AGPAT4: variants seen among roughly 807,000 people sequenced by gnomAD.
The protein encoded by AGPAT4 is 1-acylglycerol-3-phosphate O-acyltransferase 4, also known as 1-acyl-sn-glycerol-3-phosphate acyltransferase delta.
Under a neutral mutation model 48.0 loss-of-function variants are expected in AGPAT4, and 15 were observed. That is an observed-to-expected ratio of 0.31 (90% confidence interval 0.21 to 0.48). AGPAT4 has a LOEUF of 0.48. Ranked by LOEUF, AGPAT4 falls within the 20% of genes least tolerant of loss-of-function variation. The probability of loss-of-function intolerance (pLI) is 0.99; values close to 1 mark genes in which losing one functional copy is unlikely to be tolerated. For missense variants in AGPAT4, 314 were observed against 482.5 expected (o/e 0.65, Z 3.27); for synonymous variants, 178 against 198.7 (o/e 0.90, Z 0.88).
chr6:161,257,593 TA>T (rs1782977046), intron 1 of AGPAT4, among the ~76,000 whole-genome samples: 1 of 152,168 alleles, frequency 6.6e-6, no homozygotes, highest in East Asian at 1.9e-4. Context: ...GTAATGCCAT[TA>T]AAAAATTAAA....
rs1301885679 is a variant in AGPAT4, at chr6:161,184,838, C to A, written c.179-18421G>T. The stretch of plus-strand genomic sequence containing the variant: ...TAGATTTTGTTCTCTAAACACCGTA[C>A]CTGTGGTGTGTGTAGTATTCCTGGG... On this transcript the variant is annotated intron_variant, in intron 2 of 8. Coordinates refer to ENST00000320285, the MANE Select transcript of AGPAT4 (RefSeq NM_020133.3). This position sits in a 1 kb window ranked among gnomAD's most constrained non-coding sequence, Gnocchi z 4.8. Among the ~76,000 whole-genome samples, 1 of 152,098 alleles carries A rather than the reference C, an allele frequency of 6.6e-6. No homozygotes were observed. The highest frequency in any genetic ancestry group is 2.4e-5 in the African/African-American group (1 of 41,408).
rs1442045076 is a variant in AGPAT4, at chr6:161,161,514, G to A, written c.348+4734C>T. The A allele has an allele frequency of 2.2e-6, 1 of 456,510 alleles. No homozygotes were observed. The highest frequency in any genetic ancestry group is 6.9e-5 in the East Asian group (1 of 14,392). The allele number at this position is 456,510 out of a possible 1,614,324, so 28.3% of individuals were successfully genotyped here. On this transcript the variant is annotated intron_variant, in intron 3 of 8. Coordinates refer to ENST00000320285, the MANE Select transcript of AGPAT4 (RefSeq NM_020133.3). The surrounding 1 kb of genome is among the most constrained non-coding windows in gnomAD (Gnocchi z 4.6). ...GCAGAGCTGATGAATTCACATGGTG[G>A]CGGGCAGCACTGGGTATCTGCCATA... is the stretch of plus-strand genomic sequence containing the variant.
At chr6:161,163,831 G>A (rs1780008920) in intron 3 of AGPAT4, among the ~76,000 whole-genome samples, 1 of 152,200 alleles carries the variant, frequency 6.6e-6, no homozygotes, top group African/African-American at 2.4e-5. Flanking sequence ...CCAGTGAGAA[G>A]AGAAGAGGCA....
At chr6:161,250,336 T>C (rs1269573780) in intron 1 of AGPAT4, among the ~76,000 whole-genome samples, 2 of 152,220 alleles carry the variant, frequency 1.3e-5, no homozygotes, top group African/African-American at 4.8e-5. Context: ...ATCCCTGAAC[T>C]TAAAATAAAA....
At position 161,130,515 on chromosome 6, in the gene AGPAT4, C is replaced by T; in HGVS notation, c.*6025G>A. On this transcript the variant is annotated 3_prime_UTR_variant, in exon 9 of 9. Transcript: ENST00000320285. ...TAGTGGGTCACAGTAATCATGAACC[C>T]TGGGTACAATTGATACAGGCTGAGA... is the stretch of plus-strand genomic sequence containing the variant. 5.7e-6 allele frequency: 1 copy of T among 174,172 alleles called. No homozygotes were observed. Among genetic ancestry groups the T allele is most frequent in the South Asian group, 1.5e-4 (1 of 6,688 alleles). The allele number at this position is 174,172 out of a possible 1,614,324, so 10.8% of individuals were successfully genotyped here. A position where few individuals can be genotyped will look rare whatever the true frequency, so the allele number is the denominator to read the frequency against.
At position 161,222,036 on chromosome 6, in the gene AGPAT4, C is replaced by T. The variant is rs535386959; in HGVS notation, c.178+10000G>A. Among the ~76,000 whole-genome samples the T allele has an allele frequency of 1.2e-4, 19 of 152,332 alleles. No individual in the cohort carries two copies. The South Asian group carries it at 1.9e-3, about 15-fold the overall frequency. ...GCTCTTTCCTCTCAGTTCCTTTCCA[C>T]GAATGACTGCAATATTTGGGATGAG... On this transcript the variant is annotated intron_variant, in intron 2 of 8. Coordinates refer to ENST00000320285, the MANE Select transcript of AGPAT4 (RefSeq NM_020133.3). The surrounding 1 kb of genome is among the most constrained non-coding windows in gnomAD (Gnocchi z 5.9).
At position 161,142,614 on chromosome 6, in the gene AGPAT4, C is replaced by T. The variant is rs1296225239; in HGVS notation, c.844-2994G>A. The stretch of plus-strand genomic sequence containing the variant: ...GAAGGAGACGTCCACACAGCACGTC[C>T]GCTCAGCTTTCCCAGGGCCCAGGAG... On this transcript the variant is annotated intron_variant, in intron 7 of 8. Transcript: ENST00000320285. This position sits in a 1 kb window ranked among gnomAD's most constrained non-coding sequence, Gnocchi z 6.4. 2.0e-5 allele frequency among the ~76,000 whole-genome samples: 3 copies of T among 152,242 alleles called. No homozygotes were observed. The highest frequency in any genetic ancestry group is 1.9e-4 in the East Asian group (1 of 5,166).
At chr6:161,182,994 G>A (rs892883814) in intron 2 of AGPAT4, among the ~76,000 whole-genome samples, 1 of 152,172 alleles carries the variant, frequency 6.6e-6, no homozygotes, top group Non-Finnish European at 1.5e-5. Flanking sequence ...GCAGGGAGAG[G>A]CCTGGCACTT....
At position 161,197,239 on chromosome 6, in the gene AGPAT4, G is replaced by A. The variant is rs943196358; in HGVS notation, c.179-30822C>T. On this transcript the variant is annotated intron_variant, in intron 2 of 8. Coordinates refer to ENST00000320285, the MANE Select transcript of AGPAT4 (RefSeq NM_020133.3). This position sits in a 1 kb window ranked among gnomAD's most constrained non-coding sequence, Gnocchi z 5.7. ...TTGAATGTGCTAATGGACAGTGAGC[G>A]CTTTCAGAGAGGGGCCAGGGCACGT... 6.6e-5 allele frequency among the ~76,000 whole-genome samples: 10 copies of A among 152,118 alleles called. No individual in the cohort carries two copies. Among genetic ancestry groups the A allele is most frequent in the East Asian group, 1.9e-4 (1 of 5,188 alleles).
Position 161,198,638 on chromosome 6 carries a change from C to T in AGPAT4, c.179-32221G>A, listed in dbSNP as rs145777766. The stretch of plus-strand genomic sequence containing the variant: ...TACTACTTGTGAGACTTTGGACATG[C>T]TATTTAACCTGCTGTGCCTCGGTTT... On this transcript the variant is annotated intron_variant, in intron 2 of 8. Coordinates refer to ENST00000320285, the MANE Select transcript of AGPAT4 (RefSeq NM_020133.3). This position sits in a 1 kb window ranked among gnomAD's most constrained non-coding sequence, Gnocchi z 4.3. Among the ~76,000 whole-genome samples, 20 of 152,310 alleles carry T rather than the reference C, an allele frequency of 1.3e-4. No homozygotes were observed. The East Asian group carries it at 3.7e-3, about 28-fold the overall frequency.
chr6:161,153,308 T>C, intron 5 of AGPAT4, 38 bp downstream of exon 5: 1 of 1,578,040 alleles, frequency 6.3e-7, no homozygotes, highest in Non-Finnish European at 8.6e-7. Context: ...TCTTCCTCGC[T>C]GCCACGGGGA....
Position 161,137,343 on chromosome 6 carries a change from C to T in AGPAT4, c.1043-709G>A, listed in dbSNP as rs1035530158. 6.6e-6 allele frequency among the ~76,000 whole-genome samples: 1 copy of T among 152,214 alleles called. No individual in the cohort carries two copies. Among genetic ancestry groups the T allele is most frequent in the African/African-American group, 2.4e-5 (1 of 41,450 alleles). ...AGCACTGGGCATGGGGCTTGGAAAA[C>T]AGTCCATTTATAATACATGCTTAAG... On this transcript the variant is annotated intron_variant, in intron 8 of 8. Transcript: ENST00000320285. This position sits in a 1 kb window ranked among gnomAD's most constrained non-coding sequence, Gnocchi z 6.1.
intron 8 of AGPAT4, among the ~76,000 whole-genome samples, chr6:161,136,907 C>G (rs974153329): frequency 1.3e-5 from 2 of 152,296 alleles, no homozygotes; most frequent in African/African-American, 4.8e-5. Context: ...CACAGCCGTT[C>G]GCAGGGACTC....
chr6:161,138,848 G>A lies in AGPAT4; in HGVS notation c.1042+574C>T, dbSNP rs1178065215. 6.6e-6 allele frequency among the ~76,000 whole-genome samples: 1 copy of A among 152,080 alleles called. No individual in the cohort carries two copies. Among genetic ancestry groups the A allele is most frequent in the Admixed American group, 6.6e-5 (1 of 15,262 alleles). On this transcript the variant is annotated intron_variant, in intron 8 of 8. Coordinates refer to ENST00000320285, the MANE Select transcript of AGPAT4 (RefSeq NM_020133.3). The surrounding 1 kb of genome is among the most constrained non-coding windows in gnomAD (Gnocchi z 4.8). ...GGAAGCAGGCACGACAGGCTGCCCCGCCAGAGGCAAGGAGCAGGGTGCACA... is the reference window on the plus strand; with the variant it reads ...GGAAGCAGGCACGACAGGCTGCCCCACCAGAGGCAAGGAGCAGGGTGCACA...
chr6:161,176,945 T>C (rs931951473), intron 2 of AGPAT4, among the ~76,000 whole-genome samples: 3 of 152,176 alleles, frequency 2.0e-5, no homozygotes, highest in Non-Finnish European at 4.4e-5. Context: ...AAAATTCTTT[T>C]CTTTAAGAAT....
chr6:161,195,086 T>C lies in AGPAT4; in HGVS notation c.179-28669A>G, dbSNP rs1225483787. Among the ~76,000 whole-genome samples the C allele has an allele frequency of 1.3e-5, 2 of 152,174 alleles. No individual in the cohort carries two copies. Among genetic ancestry groups the C allele is most frequent in the African/African-American group, 4.8e-5 (2 of 41,416 alleles). On this transcript the variant is annotated intron_variant, in intron 2 of 8. Coordinates refer to ENST00000320285, the MANE Select transcript of AGPAT4 (RefSeq NM_020133.3). This position sits in a 1 kb window ranked among gnomAD's most constrained non-coding sequence, Gnocchi z 5.0. ...ATATAACTGTGAAGAATACTATTTA[T>C]TGAGGCCTTTCTGGGGATCTCAACA...
Position 161,217,401 on chromosome 6 carries a change from T to C in AGPAT4, c.178+14635A>G, listed in dbSNP as rs1449796456. ...TATGGTGTGTCAGATGGAGGACGCA[T>C]TGGGAGAGGCTGTGGTGGAGACCTG... is the stretch of plus-strand genomic sequence containing the variant. On this transcript the variant is annotated intron_variant, in intron 2 of 8. Coordinates refer to ENST00000320285, the MANE Select transcript of AGPAT4 (RefSeq NM_020133.3). This position sits in a 1 kb window ranked among gnomAD's most constrained non-coding sequence, Gnocchi z 4.9. Among the ~76,000 whole-genome samples, 2 of 152,162 alleles carry C rather than the reference T, an allele frequency of 1.3e-5. No individual in the cohort carries two copies. Among genetic ancestry groups the C allele is most frequent in the Non-Finnish European group, 2.9e-5 (2 of 68,016 alleles).
At position 161,232,923 on chromosome 6, in the gene AGPAT4, T is replaced by C. The variant is rs1782162566; in HGVS notation, c.-89-621A>G. On this transcript the variant is annotated intron_variant, in intron 1 of 8. Coordinates refer to ENST00000320285, the MANE Select transcript of AGPAT4 (RefSeq NM_020133.3). The surrounding 1 kb of genome is among the most constrained non-coding windows in gnomAD (Gnocchi z 6.8). ...AAACCACCACTGTTTCTCCAGCACATGAGAGCCATCACTGGCACAGGGTGG... is the reference window on the plus strand; with the variant it reads ...AAACCACCACTGTTTCTCCAGCACACGAGAGCCATCACTGGCACAGGGTGG... Among the ~76,000 whole-genome samples the C allele has an allele frequency of 6.6e-6, 1 of 152,152 alleles. No individual in the cohort carries two copies. The highest frequency in any genetic ancestry group is 1.5e-5 in the Non-Finnish European group (1 of 68,028).
In AGPAT4 at chr6:161,184,591, C is replaced by T. The variant is rs1173376751; in HGVS notation, c.179-18174G>A. Among the ~76,000 whole-genome samples, 2 of 152,084 alleles carry T rather than the reference C, an allele frequency of 1.3e-5. No homozygotes were observed. Among genetic ancestry groups the T allele is most frequent in the Non-Finnish European group, 2.9e-5 (2 of 68,024 alleles). On this transcript the variant is annotated intron_variant, in intron 2 of 8. Transcript: ENST00000320285. The surrounding 1 kb of genome is among the most constrained non-coding windows in gnomAD (Gnocchi z 4.8). ...GGACCCCCCATTCCCACCTGTCATC[C>T]TCTGGCCTCTCTGTCCCTGCTTCCT...
Sources: allele counts gnomAD v4.1 joint callset (sites outside exome capture counted in the v4.1 genomes callset), GRCh38; gene constraint gnomAD v4.1.1; non-coding constraint Gnocchi (gnomAD v3.1); transcripts MANE v1.5; gene names NCBI Gene and HGNC (gene_info 2026-07-23, HGNC 2026-07-21).